Variants in MYO19 observed in about 807,000 individuals in gnomAD.
MYO19 encodes unconventional myosin-XIX.
Under a neutral mutation model 129.2 loss-of-function variants are expected in MYO19, and 132 were observed. That is an observed-to-expected ratio of 1.02 (90% CI 0.89 to 1.18). The LOEUF is 1.18. Ranked by LOEUF, MYO19 falls within the 50% of genes most tolerant of loss-of-function variation. The pLI is 0.00. For synonymous variants in MYO19, 531 were observed against 477.2 expected (o/e 1.11, Z -1.47); for missense variants, 1,210 against 1,216.7 (o/e 0.99, Z 0.08).
In MYO19 at chr17:36,500,979, T is replaced by C. The variant is rs200210750; in HGVS notation, c.2248-20A>G. On this transcript the variant is annotated intron_variant, in intron 22 of 25. Transcript: ENST00000614623. ...CTCCAGCTGGGAGAAAAGGCATCCA[T>C]TGAGGGCAGCCTCTTCTCCCCCTGC... is the stretch of plus-strand genomic sequence containing the variant. The C allele has an allele frequency of 4.9e-5, 79 of 1,608,440 alleles. No individual in the cohort carries two copies. The East Asian group carries it at 1.4e-3, about 29-fold the overall frequency.
chr17:36,503,040 G>A (rs1210398212), intron 21 of MYO19, 57 bp downstream of exon 21: 2 of 1,426,400 alleles, frequency 1.4e-6, no homozygotes, highest in Middle Eastern at 1.8e-4. Context: ...CAGGGCACAG[G>A]GTAGATGCTC....
At chr17:36,537,315 T>G (rs775198561), upstream of MYO19, 7 of 1,614,052 alleles carry the variant, frequency 4.3e-6, no homozygotes, top group Non-Finnish European at 5.9e-6. Context: ...GGTAGCCACT[T>G]TGACCATTTG....
chr17:36,511,444 T>C lies in MYO19; in HGVS notation c.906A>G (p.Gly302=), dbSNP rs2072318372. ...TQNNIFKVLA[G]LLHLGNIQFA... is the part of the protein sequence containing the mutation. ...ACTGGATATTGCCAAGGTGCAGCAG[T>C]CCAGCTAGGACCTGGGGGAAAGAAA... Residue 302 remains glycine, a synonymous_variant, in exon 12 of 26, where the codon GGA becomes GGG. Coordinates refer to ENST00000614623, the MANE Select transcript of MYO19 (RefSeq NM_001163735.2). 2.6e-6 allele frequency: 4 copies of C among 1,562,292 alleles called. No homozygotes were observed. The South Asian group carries it at 4.7e-5, about 18-fold the overall frequency.
intron 24 of MYO19, 40 bp downstream of exon 24, chr17:36,499,035 T>C (rs376847102): frequency 3.6e-4 from 545 of 1,518,370 alleles, no homozygotes; most frequent in Non-Finnish European, 4.6e-4. Flanking sequence ...GTCCCCAAAA[T>C]TGATCCACTG....
chr17:36,538,636 T>C, upstream of MYO19: 1 of 1,522,630 alleles, frequency 6.6e-7, no homozygotes, highest in Non-Finnish European at 8.9e-7. Context: ...GTAGGATATA[T>C]AAGTATTTGG....
chr17:36,505,200 T>C (rs2071796857), intron 19 of MYO19, 97 bp downstream of exon 19: 2 of 1,093,382 alleles, frequency 1.8e-6, no homozygotes, highest in East Asian at 4.7e-5. Context: ...ACCACTTCTG[T>C]GCACTCCATT....
upstream of MYO19, chr17:36,537,240 T>A (rs149524288): frequency 6.2e-7 from 1 of 1,614,170 alleles, no homozygotes; most frequent in East Asian, 2.2e-5. Flanking sequence ...ACAGTACTTG[T>A]GTTCTTTTTC....
In MYO19 at chr17:36,496,020, AC is replaced by A; in HGVS notation, c.*230del. On this transcript the variant is annotated 3_prime_UTR_variant, in exon 26 of 26. Transcript: ENST00000614623. ...TGAAATGTGGCCCTGATGTTTCTTA[AC>A]CCTGATTTGGTAACTACCAGCCCTG... The A allele has an allele frequency of 1.3e-6, 1 of 799,874 alleles. No homozygotes were observed. Among genetic ancestry groups the A allele is most frequent in the Non-Finnish European group, 1.8e-6 (1 of 545,916 alleles). The allele number at this position is 799,874 out of a possible 1,614,324, so 49.5% of individuals were successfully genotyped here.
At position 36,496,519 on chromosome 17, in the gene MYO19, T is replaced by C. The variant is rs1180472649; in HGVS notation, c.2758-113A>G. 20 of 956,006 alleles carry C rather than the reference T, an allele frequency of 2.1e-5. No individual in the cohort carries two copies. In the Middle Eastern group the frequency reaches 1.0e-3, roughly 48 times the overall value. 59.2% of individuals were successfully genotyped at this position (956,006 alleles called of 1,614,324 possible). A position where few individuals can be genotyped will look rare whatever the true frequency, so the allele number is the denominator to read the frequency against. ...AAGAAGGTATGGACAAGTACTAGTA[T>C]TGGGGGCCACAGCAGGATTAAAATA... On this transcript the variant is annotated intron_variant, in intron 25 of 25. Transcript: ENST00000614623.
intron 2 of MYO19, among the ~76,000 whole-genome samples, chr17:36,540,852 A>ATC (rs1364477594): frequency 6.6e-6 from 1 of 152,238 alleles, no homozygotes; most frequent in Non-Finnish European, 1.5e-5. Flanking sequence ...AAGTCTTCTA[A>ATC]TCAACTATCA....
At position 36,510,757 on chromosome 17, in the gene MYO19, C is replaced by T. The variant is rs561656006; in HGVS notation, c.1146G>A (p.Leu382=). The T allele has an allele frequency of 6.2e-7, 1 of 1,606,566 alleles. No individual in the cohort carries two copies. Among genetic ancestry groups the T allele is most frequent in the South Asian group, 1.1e-5 (1 of 89,630 alleles). ...GAGTAACTGCTCACCGCGCATAGATCAGTTTGGCCAGGCAGTCTCTACGGG... is the reference window on the plus strand; with the variant it reads ...GAGTAACTGCTCACCGCGCATAGATTAGTTTGGCCAGGCAGTCTCTACGGG... ...CDTRRDCLAK[L]IYARLFDWLV... Residue 382 remains leucine (L), a synonymous_variant, in exon 13 of 26, where the codon CTG becomes CTA. Transcript: ENST00000614623.
At chr17:36,526,818 C>T (rs57661420) in intron 5 of MYO19, among the ~76,000 whole-genome samples, 1,850 of 152,144 alleles carry the variant, frequency 0.012, 43 homozygotes, top group African/African-American at 0.039. Flanking sequence ...ACCCTGGAGG[C>T]GGAGGTTGCG....
Position 36,498,577 on chromosome 17 carries a change from C to A in MYO19, c.2464-18G>T. ...ATTCTGATCTTAAAAAGCAAATATC[C>A]CTTTATAGCTTTAGATTTATCTAGC... On this transcript the variant is annotated intron_variant, in intron 24 of 25. Coordinates refer to ENST00000614623, the MANE Select transcript of MYO19 (RefSeq NM_001163735.2). The A allele has an allele frequency of 6.3e-7, 1 of 1,593,570 alleles. No homozygotes were observed. Among genetic ancestry groups the A allele is most frequent in the Non-Finnish European group, 8.6e-7 (1 of 1,166,392 alleles).
chr17:36,516,530 C>T (rs934250724), intron 6 of MYO19, among the ~76,000 whole-genome samples: 1 of 152,204 alleles, frequency 6.6e-6, no homozygotes, highest in South Asian at 2.1e-4. Context: ...GCCACCACGC[C>T]TGGCTAATTT....
At chr17:36,544,370 C>T (rs1406813164), upstream of MYO19, among the ~76,000 whole-genome samples, 2 of 152,204 alleles carry the variant, frequency 1.3e-5, no homozygotes, top group Non-Finnish European at 2.9e-5. Flanking sequence ...TTCTCCTCTT[C>T]CCACCGTGGG....
At chr17:36,503,856 A>G in intron 20 of MYO19, 94 bp downstream of exon 20, 2 of 1,047,634 alleles carry the variant, frequency 1.9e-6, no homozygotes, top group South Asian at 4.0e-5. Flanking sequence ...TCATTTCCAC[A>G]TCTCACTCTG....
At chr17:36,520,656 A>C (rs1318330275) in intron 6 of MYO19, among the ~76,000 whole-genome samples, 1 of 152,220 alleles carries the variant, frequency 6.6e-6, no homozygotes, top group South Asian at 2.1e-4. Flanking sequence ...GACAGTGATG[A>C]AGACCTTTAT....
At chr17:36,538,505 A>G (rs149579850), upstream of MYO19, 121 of 1,613,832 alleles carry the variant, frequency 7.5e-5, no homozygotes, top group Admixed American at 1.5e-4. Flanking sequence ...TGGTAGATAC[A>G]TTACACAGCA....
At chr17:36,519,211 A>G (rs573963553) in intron 6 of MYO19, among the ~76,000 whole-genome samples, 2 of 152,230 alleles carry the variant, frequency 1.3e-5, no homozygotes, top group South Asian at 4.1e-4. Context: ...TTGATTTTAT[A>G]TATTTTTCCT....
Sources: allele counts gnomAD v4.1 joint callset (sites outside exome capture counted in the v4.1 genomes callset), GRCh38; gene constraint gnomAD v4.1.1; transcripts MANE v1.5; gene names NCBI Gene and HGNC (gene_info 2026-07-23, HGNC 2026-07-21).